EXOC4: variants seen among roughly 807,000 people sequenced by gnomAD.
EXOC4 encodes SEC8-like 1.
EXOC4 carries 71 observed loss-of-function variants against 107.2 expected under a neutral mutation model. The ratio of observed to expected loss-of-function variants is 0.66; its 90% CI spans 0.55 to 0.81. EXOC4 has a LOEUF of 0.81. EXOC4 is among the 30% of genes least tolerant of loss of function. The probability of loss-of-function intolerance (pLI) is 0.00; values close to 1 mark genes in which losing one functional copy is unlikely to be tolerated. For missense variants in EXOC4, 1,108 were observed against 1,189.6 expected (o/e 0.93, Z 1.01); for synonymous variants, 456 against 441.2 (o/e 1.03, Z -0.42).
chr7:133,672,166 C>T (rs940458826), intron 10 of EXOC4, among the ~76,000 whole-genome samples: 3 of 152,016 alleles, frequency 2.0e-5, no homozygotes, highest in East Asian at 1.9e-4. Flanking sequence ...CCAAGACAGG[C>T]GGATCATGAG....
intron 14 of EXOC4, among the ~76,000 whole-genome samples, chr7:133,941,008 A>C (rs1392102725): frequency 6.7e-6 from 1 of 149,358 alleles, no homozygotes; most frequent in Non-Finnish European, 1.5e-5. Context: ...GCAGAAAATT[A>C]TTTTCTTTCT....
chr7:133,438,423 C>T (rs1232524483), intron 7 of EXOC4, among the ~76,000 whole-genome samples: 1 of 152,006 alleles, frequency 6.6e-6, no homozygotes, highest in African/African-American at 2.4e-5. Context: ...TCTCTAATGC[C>T]CTATGTTCTT....
chr7:133,495,486 C>T (rs990399591), intron 9 of EXOC4, among the ~76,000 whole-genome samples: 6 of 152,126 alleles, frequency 3.9e-5, no homozygotes, highest in African/African-American at 1.4e-4. Context: ...ATAACTACCA[C>T]CCAGAAGATT....
chr7:133,511,652 T>G (rs1799771117), intron 9 of EXOC4, among the ~76,000 whole-genome samples: 1 of 152,170 alleles, frequency 6.6e-6, no homozygotes, highest in Admixed American at 6.5e-5. Context: ...CTGGTTCCCT[T>G]AAGTATAATC....
At chr7:133,581,816 G>A (rs1165183317) in intron 9 of EXOC4, among the ~76,000 whole-genome samples, 2 of 151,168 alleles carry the variant, frequency 1.3e-5, no homozygotes. Flanking sequence ...AAAGGAAAAA[G>A]GTTTAATTGA....
chr7:133,729,936 T>C (rs888534771), intron 10 of EXOC4, among the ~76,000 whole-genome samples: 1 of 151,854 alleles, frequency 6.6e-6, no homozygotes, highest in African/African-American at 2.4e-5. Context: ...AATCTTTATC[T>C]GGAAACCTCT....
At chr7:133,596,947 C>T (rs1193614327) in intron 9 of EXOC4, among the ~76,000 whole-genome samples, 1 of 152,114 alleles carries the variant, frequency 6.6e-6, no homozygotes, top group Non-Finnish European at 1.5e-5. Context: ...CAGAAGAATA[C>T]AATCAGGGTT....
At chr7:133,678,387 A>G (rs185477054) in intron 10 of EXOC4, among the ~76,000 whole-genome samples, 25 of 152,332 alleles carry the variant, frequency 1.6e-4, no homozygotes, top group Middle Eastern at 3.4e-3. Context: ...TTATTGCACT[A>G]TGTGTTCAGT....
chr7:133,525,222 T>C (rs556351641), intron 9 of EXOC4, among the ~76,000 whole-genome samples: 1 of 152,178 alleles, frequency 6.6e-6, no homozygotes, highest in Non-Finnish European at 1.5e-5. Context: ...ATTATTAATA[T>C]CACTGAGCTG....
At chr7:134,020,745 G>A (rs977764039) in intron 17 of EXOC4, among the ~76,000 whole-genome samples, 5 of 152,090 alleles carry the variant, frequency 3.3e-5, no homozygotes, top group African/African-American at 9.7e-5. Context: ...CAGCACTTTG[G>A]GAGGCTGAGG....
chr7:133,854,844 A>T (rs1390279771), intron 11 of EXOC4, among the ~76,000 whole-genome samples: 1 of 149,918 alleles, frequency 6.7e-6, no homozygotes, highest in African/African-American at 2.5e-5. Flanking sequence ...GGCATTAATT[A>T]AAAAAAGGAA....
chr7:133,665,780 T>C (rs1793797214), intron 10 of EXOC4, among the ~76,000 whole-genome samples: 1 of 152,190 alleles, frequency 6.6e-6, no homozygotes, highest in Admixed American at 6.5e-5. Flanking sequence ...TAAATTCAGT[T>C]TTATTGCCTT....
intron 7 of EXOC4, among the ~76,000 whole-genome samples, chr7:133,378,650 A>G (rs935742673): frequency 2.6e-5 from 4 of 152,156 alleles, no homozygotes; most frequent in South Asian, 2.1e-4. Context: ...AGCCTATGAT[A>G]AGTTAAGGAT....
At chr7:133,782,381 A>G (rs1398047766) in intron 10 of EXOC4, among the ~76,000 whole-genome samples, 2 of 152,174 alleles carry the variant, frequency 1.3e-5, no homozygotes, top group African/African-American at 4.8e-5. Context: ...ACATCACACA[A>G]ATGTACCCAT....
rs185204387 is a variant in EXOC4, at chr7:133,314,030, A to G, written c.657-3254A>G. ...AAAAATAACTGTCAGTATTTCCAAA[A>G]TAACGTTATAATTTTTATTTTATTT... On this transcript the variant is annotated intron_variant, in intron 4 of 17. Transcript: ENST00000253861. 2.1e-4 allele frequency among the ~76,000 whole-genome samples: 32 copies of G among 152,286 alleles called. No homozygotes were observed. In the East Asian group the frequency reaches 6.2e-3, roughly 29 times the overall value.
intron 9 of EXOC4, among the ~76,000 whole-genome samples, chr7:133,539,976 T>G (rs1800348382): frequency 6.6e-6 from 1 of 152,134 alleles, no homozygotes; most frequent in African/African-American, 2.4e-5. Flanking sequence ...TCACAATCCC[T>G]TCTTGCTTGA....
At chr7:133,666,173 G>A (rs146962355) in intron 10 of EXOC4, among the ~76,000 whole-genome samples, 40 of 152,150 alleles carry the variant, frequency 2.6e-4, no homozygotes, top group African/African-American at 9.2e-4. Context: ...GGATGTGCTG[G>A]TTAACTAATT....
intron 7 of EXOC4, among the ~76,000 whole-genome samples, chr7:133,468,571 G>A (rs140191595): frequency 6.0e-4 from 92 of 152,178 alleles, no homozygotes; most frequent in African/African-American, 1.3e-3. Flanking sequence ...ATAATTTGGT[G>A]GGTATATTAC....
rs1196069489 is a variant in EXOC4, at chr7:133,314,558, CCCT to C, written c.657-2725_657-2723del. ...AGTTGAAATGGCAAGCTGTTTATCACCCTAAATTTAACTGAAATATGTTTTTAG... is the reference window on the plus strand; with the variant it reads ...AGTTGAAATGGCAAGCTGTTTATCACAAATTTAACTGAAATATGTTTTTAG... On this transcript the variant is annotated intron_variant, in intron 4 of 17. Coordinates refer to ENST00000253861, the MANE Select transcript of EXOC4 (RefSeq NM_021807.4). 1.4e-4 allele frequency among the ~76,000 whole-genome samples: 22 copies of C among 152,272 alleles called. No individual in the cohort carries two copies. The East Asian group carries it at 4.0e-3, about 28-fold the overall frequency.
Sources: allele counts gnomAD v4.1 joint callset (sites outside exome capture counted in the v4.1 genomes callset), GRCh38; gene constraint gnomAD v4.1.1; transcripts MANE v1.5; gene names NCBI Gene and HGNC (gene_info 2026-07-23, HGNC 2026-07-21).